Variants in KIAA1958 observed in about 807,000 individuals in gnomAD.
The protein encoded by KIAA1958 is uncharacterized protein KIAA1958.
In KIAA1958, 14 loss-of-function variants were observed where a neutral mutation model predicts 47.2. The observed-to-expected ratio is 0.30, with a 90% confidence interval of 0.20 to 0.46. The LOEUF is 0.46. Ranked by LOEUF, KIAA1958 falls within the 20% of genes least tolerant of loss-of-function variation. The pLI is 1.00. For synonymous variants in KIAA1958, 354 were observed against 353.3 expected (o/e 1.00, Z -0.02); for missense variants, 803 against 909.2 (o/e 0.88, Z 1.50).
chr9:112,608,740 G>A lies in KIAA1958; in HGVS notation c.1171+33489G>A, dbSNP rs1345217349. ...CTGGAGGTGGAGGTTGCAGTGAGCCGTGATCAAGAGGATTTAAGCTGGGTG... is the reference window on the plus strand; with the variant it reads ...CTGGAGGTGGAGGTTGCAGTGAGCCATGATCAAGAGGATTTAAGCTGGGTG... On this transcript the variant is annotated intron_variant, in intron 2 of 3. Transcript: ENST00000337530. Among the ~76,000 whole-genome samples the A allele has an allele frequency of 6.6e-5, 10 of 152,002 alleles. No homozygotes were observed. In the East Asian group the frequency reaches 9.7e-4, roughly 15 times the overall value.
chr9:112,608,251 C>T (rs1250938832), intron 2 of KIAA1958, among the ~76,000 whole-genome samples: 1 of 151,988 alleles, frequency 6.6e-6, no homozygotes, highest in East Asian at 1.9e-4. Context: ...TAGTATAAAA[C>T]AAGATTCAAA....
intron 2 of KIAA1958, among the ~76,000 whole-genome samples, chr9:112,612,737 A>G (rs992210094): frequency 6.6e-6 from 1 of 152,216 alleles, no homozygotes; most frequent in Non-Finnish European, 1.5e-5. Context: ...GGGCGGTAGC[A>G]ATATAGCAGT....
Position 112,655,543 on chromosome 9 carries a change from C to CCG in KIAA1958, c.1345-3718_1345-3717dup, listed in dbSNP as rs1837135928. ...ATACAGGCATAACCAAACACAGGTG[C>CCG]CGCTGCTCACCACTTGCAAAGCCAG... On this transcript the variant is annotated intron_variant, in intron 3 of 3. Transcript: ENST00000337530. Among the ~76,000 whole-genome samples, 3 of 152,232 alleles carry CCG rather than the reference C, an allele frequency of 2.0e-5. No homozygotes were observed. The South Asian group carries it at 6.2e-4, about 32-fold the overall frequency.
chr9:112,555,656 G>A (rs994455343), intron 1 of KIAA1958, among the ~76,000 whole-genome samples: 23 of 152,242 alleles, frequency 1.5e-4, no homozygotes, highest in African/African-American at 5.3e-4. Context: ...AGAAGGGGCA[G>A]AAAAGGGACA....
At chr9:112,588,435 A>G (rs1410720593) in intron 2 of KIAA1958, among the ~76,000 whole-genome samples, 1 of 152,186 alleles carries the variant, frequency 6.6e-6, no homozygotes, top group Non-Finnish European at 1.5e-5. Flanking sequence ...TATTATTAGT[A>G]CTGTATTTCA....
chr9:112,613,492 G>A (rs567154316), intron 2 of KIAA1958, among the ~76,000 whole-genome samples: 1 of 152,104 alleles, frequency 6.6e-6, no homozygotes, highest in East Asian at 1.9e-4. Context: ...TGATAAATTG[G>A]ACCATATAAA....
rs929437582 is a variant in KIAA1958, at chr9:112,664,349, C to T, written c.*4280C>T. ...ACCACTTAAATAAAGTAACCGAATG[C>T]TAAATATTATCCTTATCAAACATCC... On this transcript the variant is annotated 3_prime_UTR_variant, in exon 4 of 4. Transcript: ENST00000337530. The T allele has an allele frequency of 6.6e-6, 1 of 152,206 alleles. No homozygotes were observed. The highest frequency in any genetic ancestry group is 2.4e-5 in the African/African-American group (1 of 41,444). 9.4% of individuals were successfully genotyped at this position (152,206 alleles called of 1,614,324 possible). A position where few individuals can be genotyped will look rare whatever the true frequency, so the allele number is the denominator to read the frequency against.
At chr9:112,502,572 C>T (rs1834161409) in intron 1 of KIAA1958, among the ~76,000 whole-genome samples, 1 of 152,162 alleles carries the variant, frequency 6.6e-6, no homozygotes, top group Admixed American at 6.5e-5. Flanking sequence ...CTTTGAAAAG[C>T]AATGTGTCAA....
intron 2 of KIAA1958, among the ~76,000 whole-genome samples, chr9:112,627,195 C>G (rs375522122): frequency 1.3e-5 from 2 of 152,116 alleles, no homozygotes; most frequent in Non-Finnish European, 1.5e-5. Flanking sequence ...CAACACTTTC[C>G]GAGCTCTTTG....
chr9:112,504,653 A>G (rs1834203888), intron 1 of KIAA1958, among the ~76,000 whole-genome samples: 1 of 152,162 alleles, frequency 6.6e-6, no homozygotes, highest in African/African-American at 2.4e-5. Context: ...ACCTAATCTT[A>G]TCATAAAGAT....
chr9:112,665,069 AATT>A lies in KIAA1958; in HGVS notation c.*5004_*5006del, dbSNP rs1481580992. 1 of 151,010 alleles carries A rather than the reference AATT, an allele frequency of 6.6e-6. No individual in the cohort carries two copies. Among genetic ancestry groups the A allele is most frequent in the East Asian group, 1.9e-4 (1 of 5,154 alleles). The allele number at this position is 151,010 out of a possible 1,614,324, so 9.4% of individuals were successfully genotyped here. A position where few individuals can be genotyped will look rare whatever the true frequency, so the allele number is the denominator to read the frequency against. ...AGCTAAAACAACTTATATGGAAGTT[AATT>A]ATTTCAGGAAATACATAATAAGACC... On this transcript the variant is annotated 3_prime_UTR_variant, in exon 4 of 4. Transcript: ENST00000337530.
chr9:112,644,095 G>A (rs1377971355), intron 2 of KIAA1958, among the ~76,000 whole-genome samples: 5 of 151,862 alleles, frequency 3.3e-5, no homozygotes, highest in African/African-American at 4.8e-5. Flanking sequence ...GGAGAATCGC[G>A]TGAACCTGGG....
intron 2 of KIAA1958, among the ~76,000 whole-genome samples, chr9:112,636,873 T>C (rs947099443): frequency 6.6e-6 from 1 of 152,212 alleles, no homozygotes; most frequent in Non-Finnish European, 1.5e-5. Context: ...TGGATATATT[T>C]ATGTTTAGAT....
intron 2 of KIAA1958, among the ~76,000 whole-genome samples, chr9:112,590,991 C>G (rs970648984): frequency 1.3e-5 from 2 of 152,182 alleles, no homozygotes; most frequent in African/African-American, 4.8e-5. Flanking sequence ...GAACTCTGCT[C>G]TGTTACTCCT....
chr9:112,527,951 A>C (rs1834687964), intron 1 of KIAA1958, among the ~76,000 whole-genome samples: 1 of 151,572 alleles, frequency 6.6e-6, no homozygotes, highest in Non-Finnish European at 1.5e-5. Flanking sequence ...AAAAAAAAAA[A>C]AGAAAAAGAA....
intron 1 of KIAA1958, among the ~76,000 whole-genome samples, chr9:112,550,570 C>T (rs1330573695): frequency 2.0e-5 from 3 of 152,058 alleles, no homozygotes; most frequent in Non-Finnish European, 4.4e-5. Context: ...GTTACTACAG[C>T]GAAAGAATAC....
chr9:112,562,193 G>A (rs978882114), intron 1 of KIAA1958, among the ~76,000 whole-genome samples: 1 of 152,152 alleles, frequency 6.6e-6, no homozygotes, highest in Non-Finnish European at 1.5e-5. Flanking sequence ...TGGGGGGAAA[G>A]CCCCTAATTT....
intron 2 of KIAA1958, among the ~76,000 whole-genome samples, chr9:112,597,151 G>C (rs1836045718): frequency 6.6e-6 from 1 of 152,174 alleles, no homozygotes; most frequent in Admixed American, 6.5e-5. Flanking sequence ...CTGATGAACT[G>C]TTAACAAAGG....
chr9:112,659,019 CAAA>C (rs560013892), intron 3 of KIAA1958, among the ~76,000 whole-genome samples: 788 of 57,650 alleles, frequency 0.014, 2 homozygotes, highest in Middle Eastern at 0.033. Context: ...GACTCTGACT[CAAA>C]AAAAAAAAAA....
Sources: gnomAD v4.1 joint callset for allele counts (sites outside exome capture counted in the v4.1 genomes callset) on GRCh38, gnomAD v4.1.1 for gene constraint, MANE v1.5 for transcripts, NCBI Gene and HGNC (gene_info 2026-07-23, HGNC 2026-07-21) for gene names.